Variants in EPHA3 observed in about 807,000 individuals in gnomAD.
EPHA3 encodes EPH receptor A3, also known as ephrin type-A receptor 3.
In EPHA3, 42 loss-of-function variants were observed where a neutral mutation model predicts 107.1. The observed-to-expected ratio is 0.39, with a 90% CI of 0.31 to 0.51. The LOEUF (loss-of-function observed/expected upper bound fraction) is 0.51, where lower values mean the gene tolerates loss of function less well. Among genes scored for constraint, EPHA3 ranks in the 20% least tolerant of loss-of-function variants. The probability of loss-of-function intolerance (pLI) is 0.78; values close to 1 mark genes in which losing one functional copy is unlikely to be tolerated. For synonymous variants in EPHA3, 461 were observed against 424.8 expected, an observed-to-expected ratio of 1.09 and a Z score of -1.05; for missense variants, 1,183 against 1,211.2, an observed-to-expected ratio of 0.98 and a Z score of 0.35.
chr3:89,353,776 T>C (rs1296703990), intron 5 of EPHA3, among the ~76,000 whole-genome samples: 2 of 151,374 alleles, frequency 1.3e-5, no homozygotes, highest in East Asian at 3.9e-4. Context: ...TGACAGTTAT[T>C]CAAAACCCTT....
At chr3:89,350,030 C>T (rs1707770694) in intron 5 of EPHA3, among the ~76,000 whole-genome samples, 1 of 150,496 alleles carries the variant, frequency 6.6e-6, no homozygotes, top group Non-Finnish European at 1.5e-5. Context: ...CCTGACCTTT[C>T]TCTCTGGCTG....
At chr3:89,322,826 G>A (rs1193192032) in intron 3 of EPHA3, among the ~76,000 whole-genome samples, 1 of 151,972 alleles carries the variant, frequency 6.6e-6, no homozygotes, top group Non-Finnish European at 1.5e-5. Context: ...CAGATGGCCT[G>A]GCATATACAC....
At chr3:89,175,986 CT>C (rs1296632494) in intron 2 of EPHA3, among the ~76,000 whole-genome samples, 2 of 151,934 alleles carry the variant, frequency 1.3e-5, no homozygotes, top group African/African-American at 4.8e-5. Context: ...TGCAACTTTG[CT>C]TTTATTTTTT....
At chr3:89,249,367 T>A (rs1705109315) in intron 3 of EPHA3, among the ~76,000 whole-genome samples, 1 of 152,218 alleles carries the variant, frequency 6.6e-6, no homozygotes, top group South Asian at 2.1e-4. Context: ...TTTTAATTTT[T>A]GCTAAATTCA....
chr3:89,358,036 A>G (rs906262924), intron 5 of EPHA3, among the ~76,000 whole-genome samples: 1 of 151,252 alleles, frequency 6.6e-6, no homozygotes, highest in African/African-American at 2.4e-5. Context: ...TTGTATATTC[A>G]TGTGCGTGTG....
chr3:89,411,337 G>A, intron 9 of EPHA3, among the ~76,000 whole-genome samples: 1 of 151,950 alleles, frequency 6.6e-6, no homozygotes, highest in Non-Finnish European at 1.5e-5. Flanking sequence ...AGATAGTGGT[G>A]TCCTTTCAAA....
chr3:89,234,944 TCTCC>T (rs1704722271), intron 3 of EPHA3, among the ~76,000 whole-genome samples: 1 of 125,122 alleles, frequency 8.0e-6, no homozygotes, highest in Non-Finnish European at 1.7e-5. Flanking sequence ...TTCCTCCCTC[TCTCC>T]CTCCCTCTTT....
rs550742575 is a variant in EPHA3, at chr3:89,345,696, G to A, written c.1306+3606G>A. Among the ~76,000 whole-genome samples the A allele has an allele frequency of 1.4e-4, 20 of 141,042 alleles. 1 individual carries two copies. The highest frequency in any genetic ancestry group is 5.1e-4 in the Admixed American group (7 of 13,766). 92.5% of individuals were successfully genotyped at this position (141,042 alleles called of 152,430 possible). ...TTAGTTACATATGTATACATGTGCCGTGCTGGTGCGCTGCACCCACTAACT... is the reference window on the plus strand; with the variant it reads ...TTAGTTACATATGTATACATGTGCCATGCTGGTGCGCTGCACCCACTAACT... On this transcript the variant is annotated intron_variant, in intron 5 of 16. Coordinates refer to ENST00000336596, the MANE Select transcript of EPHA3 (RefSeq NM_005233.6).
intron 7 of EPHA3, among the ~76,000 whole-genome samples, chr3:89,406,382 T>C (rs749964738): frequency 2.2e-4 from 33 of 152,154 alleles, no homozygotes; most frequent in Non-Finnish European, 3.2e-4. Context: ...TTGAGAAGCA[T>C]TGGTCTGGGT....
At chr3:89,438,365 C>G (rs1423524587) in intron 13 of EPHA3, among the ~76,000 whole-genome samples, 4 of 152,076 alleles carry the variant, frequency 2.6e-5, no homozygotes, top group Non-Finnish European at 5.9e-5. Context: ...CCAGCCTCGG[C>G]CTCCCAAAGT....
chr3:89,419,701 T>A (rs1709319269), intron 11 of EPHA3, among the ~76,000 whole-genome samples: 1 of 151,436 alleles, frequency 6.6e-6, no homozygotes, highest in South Asian at 2.1e-4. Context: ...GCTATGTAAG[T>A]AGCAAAGAAA....
chr3:89,382,342 T>C (rs1037224103), intron 5 of EPHA3, among the ~76,000 whole-genome samples: 1 of 151,854 alleles, frequency 6.6e-6, no homozygotes, highest in Non-Finnish European at 1.5e-5. Flanking sequence ...GCCTTGTCTC[T>C]AGTAGAAATA....
intron 1 of EPHA3, among the ~76,000 whole-genome samples, chr3:89,115,101 C>T (rs566593471): frequency 2.1e-4 from 32 of 152,276 alleles, no homozygotes; most frequent in African/African-American, 6.3e-4. Flanking sequence ...GCATCTCTTA[C>T]TGGGTGCGCT....
At chr3:89,287,268 G>A (rs911248047) in intron 3 of EPHA3, among the ~76,000 whole-genome samples, 8 of 152,048 alleles carry the variant, frequency 5.3e-5, no homozygotes, top group African/African-American at 9.7e-5. Context: ...CTGATTTTAC[G>A]GATGGGAGAA....
intron 3 of EPHA3, among the ~76,000 whole-genome samples, chr3:89,211,379 G>T (rs1057138859): frequency 1.8e-4 from 27 of 151,860 alleles, no homozygotes; most frequent in African/African-American, 6.5e-4. Context: ...TTATGCTTAA[G>T]AACACACTAA....
intron 2 of EPHA3, among the ~76,000 whole-genome samples, chr3:89,134,959 A>T (rs147758025): frequency 6.6e-6 from 1 of 152,220 alleles, no homozygotes; most frequent in Admixed American, 6.5e-5. Context: ...CATTAAAATG[A>T]TGTATAACAT....
At chr3:89,437,790 T>A (rs1709703105) in intron 13 of EPHA3, among the ~76,000 whole-genome samples, 1 of 152,218 alleles carries the variant, frequency 6.6e-6, no homozygotes, top group African/African-American at 2.4e-5. Context: ...CTTATTTAGA[T>A]GCTGGGTAAG....
intron 3 of EPHA3, among the ~76,000 whole-genome samples, chr3:89,254,736 G>T (rs1471013441): frequency 2.0e-5 from 3 of 152,184 alleles, no homozygotes; most frequent in Admixed American, 1.3e-4. Context: ...GCATTTAATA[G>T]ATTTAGACCA....
intron 2 of EPHA3, among the ~76,000 whole-genome samples, chr3:89,133,768 C>T (rs748988973): frequency 6.6e-6 from 1 of 152,102 alleles, no homozygotes; most frequent in Non-Finnish European, 1.5e-5. Context: ...ATTTGCTGAG[C>T]ATAATCTTTG....
Sources: gnomAD v4.1 joint callset for allele counts (sites outside exome capture counted in the v4.1 genomes callset) on GRCh38, gnomAD v4.1.1 for gene constraint, MANE v1.5 for transcripts, NCBI Gene and HGNC (gene_info 2026-07-23, HGNC 2026-07-21) for gene names.